The following PARPBP variants were observed in gnomAD, a reference collection of about 807,000 sequenced individuals.
The protein encoded by PARPBP is PARP1 binding protein.
A neutral mutation model predicts 50.0 loss-of-function variants in PARPBP; 52 were observed. The ratio of observed to expected loss-of-function variants is 1.04; its 90% CI spans 0.83 to 1.31. The LOEUF (loss-of-function observed/expected upper bound fraction) is 1.31. PARPBP is among the 50% of genes most tolerant of loss of function. The pLI is 0.00. For synonymous variants in PARPBP, 244 were observed against 232.1 expected, an observed-to-expected ratio of 1.05 and a Z score of -0.47; for missense variants, 697 against 672.0, an observed-to-expected ratio of 1.04 and a Z score of -0.41.
At chr12:102,156,772 G>A (rs1482614871) in intron 4 of PARPBP, among the ~76,000 whole-genome samples, 7 of 152,082 alleles carry the variant, frequency 4.6e-5, no homozygotes, top group Non-Finnish European at 7.4e-5. Flanking sequence ...CTCCCAAGTA[G>A]CTGGGATTAC....
At chr12:102,138,203 G>C (rs11111175) in intron 2 of PARPBP, among the ~76,000 whole-genome samples, 38,961 of 152,046 alleles carry the variant, frequency 0.26, 5,124 homozygotes, top group East Asian at 0.42. Context: ...CATTCTAACT[G>C]GTGTGAGATG....
At chr12:102,169,054 A>C (rs1888430278) in intron 6 of PARPBP, among the ~76,000 whole-genome samples, 1 of 152,044 alleles carries the variant, frequency 6.6e-6, no homozygotes, top group Non-Finnish European at 1.5e-5. Context: ...CCCTAGCACA[A>C]TTTTTGCCAG....
At chr12:102,194,127 A>G (rs1305880440) in intron 9 of PARPBP, among the ~76,000 whole-genome samples, 2 of 152,006 alleles carry the variant, frequency 1.3e-5, no homozygotes, top group Non-Finnish European at 2.9e-5. Context: ...TCTAAGTCAT[A>G]GTCAGTAGAT....
chr12:102,137,445 T>C (rs755104975), intron 2 of PARPBP, among the ~76,000 whole-genome samples: 16 of 152,114 alleles, frequency 1.1e-4, no homozygotes, highest in Non-Finnish European at 1.9e-4. Flanking sequence ...GTTTTTAGCA[T>C]GTTTTTTGAG....
In PARPBP at chr12:102,164,575, T is replaced by C; in HGVS notation, c.633T>C (p.His211=). Residue 211 remains histidine (H), a synonymous_variant, in exon 5 of 11, where the codon CAT becomes CAC. Transcript: ENST00000327680. ...GAGAAGCCTTCACTGATTTGAAACATGCTGCTCGAGAGAAACAAATGTCTA... is the reference window on the plus strand; with the variant it reads ...GAGAAGCCTTCACTGATTTGAAACACGCTGCTCGAGAGAAACAAATGTCTA... The part of the protein sequence containing the change: ...LGREAFTDLK[H]AAREKQMSIF... 2.5e-6 allele frequency: 4 copies of C among 1,613,636 alleles called. No homozygotes were observed. The highest frequency in any genetic ancestry group is 3.4e-6 in the Non-Finnish European group (4 of 1,179,670).
chr12:102,134,537 T>C (rs1431440087), intron 2 of PARPBP, among the ~76,000 whole-genome samples: 1 of 152,196 alleles, frequency 6.6e-6, no homozygotes, highest in Non-Finnish European at 1.5e-5. Flanking sequence ...AAAGAACTAA[T>C]ACCAATCCTT....
chr12:102,141,697 T>C (rs1594485088), intron 2 of PARPBP, among the ~76,000 whole-genome samples: 1 of 152,344 alleles, frequency 6.6e-6, no homozygotes, highest in South Asian at 2.1e-4. Flanking sequence ...ACAAAATCTC[T>C]CAGCATTTGC....
chr12:102,177,531 A>G (rs1889397528), intron 7 of PARPBP, among the ~76,000 whole-genome samples: 2 of 152,064 alleles, frequency 1.3e-5, no homozygotes, highest in South Asian at 4.1e-4. Context: ...CTATCTAGTC[A>G]TGAAGTTTTT....
intron 2 of PARPBP, among the ~76,000 whole-genome samples, chr12:102,139,173 G>A (rs1050214310): frequency 1.3e-5 from 2 of 152,106 alleles, no homozygotes; most frequent in East Asian, 1.9e-4. Context: ...TTGAGCAGTG[G>A]TTTGTAGTTC....
chr12:102,177,661 C>T (rs1889409851), intron 7 of PARPBP, among the ~76,000 whole-genome samples: 2 of 152,204 alleles, frequency 1.3e-5, no homozygotes, highest in Admixed American at 6.5e-5. Flanking sequence ...GATTTGATAA[C>T]ATTCGTATCT....
At chr12:102,177,872 C>A (rs553603563) in intron 7 of PARPBP, among the ~76,000 whole-genome samples, 1 of 152,326 alleles carries the variant, frequency 6.6e-6, no homozygotes, top group African/African-American at 2.4e-5. Context: ...GCCATGCTAC[C>A]TGGTCCCTGA....
chr12:102,151,835 T>C, intron 3 of PARPBP: 1 of 1,457,474 alleles, frequency 6.9e-7, no homozygotes, highest in South Asian at 1.2e-5. Flanking sequence ...CTTCAGAACA[T>C]TGAAGAAGCC....
At chr12:102,172,069 T>C (rs1888810141) in intron 6 of PARPBP, among the ~76,000 whole-genome samples, 1 of 152,216 alleles carries the variant, frequency 6.6e-6, no homozygotes, top group Non-Finnish European at 1.5e-5. Context: ...GTCTGTATTA[T>C]TGCTTAGTGT....
At chr12:102,133,021 A>G (rs551060280) in intron 2 of PARPBP, among the ~76,000 whole-genome samples, 2 of 152,166 alleles carry the variant, frequency 1.3e-5, no homozygotes, top group African/African-American at 4.8e-5. Flanking sequence ...ACTTTACACA[A>G]TTTGTTTATT....
chr12:102,129,925 A>G (rs911343429), intron 2 of PARPBP, among the ~76,000 whole-genome samples: 3 of 152,200 alleles, frequency 2.0e-5, no homozygotes, highest in African/African-American at 7.2e-5. Flanking sequence ...AAAAGACCCC[A>G]AATAGCTAAG....
At chr12:102,123,824 G>T in intron 1 of PARPBP, 62 bp from the exon 2 acceptor site, 1 of 1,161,994 alleles carries the variant, frequency 8.6e-7, no homozygotes, top group Non-Finnish European at 1.2e-6. Context: ...GCCTATACAT[G>T]TTAAATGTTA....
At chr12:102,178,806 T>TA in intron 8 of PARPBP, 36 bp downstream of exon 8, 5 of 1,338,202 alleles carry the variant, frequency 3.7e-6, no homozygotes, top group Non-Finnish European at 5.1e-6. Context: ...TTATAAATGT[T>TA]AACTCTAGAG....
intron 6 of PARPBP, among the ~76,000 whole-genome samples, chr12:102,167,886 G>A (rs1034689635): frequency 5.9e-5 from 9 of 152,162 alleles, no homozygotes; most frequent in Non-Finnish European, 1.3e-4. Flanking sequence ...GGGGGTATAA[G>A]TGTTCCTTAT....
rs188170560 is a variant in PARPBP at position 102,137,847 on chromosome 12, T to C, written c.154-10383T>C. ...AAGGACATGAACTCATCCTTTTTTA[T>C]GGCTGCATAGTATTCCATGGTGTAT... On this transcript the variant is annotated intron_variant, in intron 2 of 10. Coordinates refer to ENST00000327680, the MANE Select transcript of PARPBP (RefSeq NM_017915.5). 7.0e-3 allele frequency among the ~76,000 whole-genome samples: 1,066 copies of C among 152,368 alleles called. 10 individuals carry two copies. Among genetic ancestry groups the C allele is most frequent in the African/African-American group, 0.024 (1,015 of 41,584 alleles).
Sources: gnomAD v4.1 joint callset for allele counts (sites outside exome capture counted in the v4.1 genomes callset) on GRCh38, gnomAD v4.1.1 for gene constraint, MANE v1.5 for transcripts, NCBI Gene and HGNC (gene_info 2026-07-23, HGNC 2026-07-21) for gene names.